MACROD2: variants seen among roughly 807,000 people sequenced by gnomAD.
The protein encoded by MACROD2 is ADP-ribose glycohydrolase MACROD2.
Under a neutral mutation model 70.4 loss-of-function variants are expected in MACROD2, and 36 were observed. That is an observed-to-expected ratio of 0.51 (90% CI 0.39 to 0.68). MACROD2 has a LOEUF of 0.68. Ranked by LOEUF, MACROD2 falls within the 30% of genes least tolerant of loss-of-function variation. The pLI is 0.00. For synonymous variants in MACROD2, 172 were observed against 178.8 expected, an observed-to-expected ratio of 0.96 and a Z score of 0.30; for missense variants, 496 against 538.4, an observed-to-expected ratio of 0.92 and a Z score of 0.78.
At chr20:14,825,042 A>T (rs2072886331) in intron 5 of MACROD2, among the ~76,000 whole-genome samples, 1 of 152,070 alleles carries the variant, frequency 6.6e-6, no homozygotes, top group Admixed American at 6.6e-5. Context: ...AAAACTCCTA[A>T]GTCTTTGCAC....
chr20:15,116,374 G>C (rs1038346543), intron 5 of MACROD2, among the ~76,000 whole-genome samples: 11 of 152,154 alleles, frequency 7.2e-5, no homozygotes, highest in African/African-American at 2.7e-4. Context: ...CAGTCACGGT[G>C]GCCCACGCCT....
intron 3 of MACROD2, among the ~76,000 whole-genome samples, chr20:14,092,965 A>G (rs567314697): frequency 6.6e-4 from 100 of 152,344 alleles, no homozygotes; most frequent in Non-Finnish European, 1.3e-3. Flanking sequence ...TGCTCAAGCT[A>G]GAGCAGCTGC....
intron 10 of MACROD2, among the ~76,000 whole-genome samples, chr20:15,889,669 G>C (rs1022638278): frequency 1.3e-5 from 2 of 152,090 alleles, no homozygotes; most frequent in Non-Finnish European, 2.9e-5. Flanking sequence ...TTCCTTAATG[G>C]CAAATGTTTT....
chr20:14,029,540 T>C (rs1436345329), intron 2 of MACROD2, among the ~76,000 whole-genome samples: 1 of 152,122 alleles, frequency 6.6e-6, no homozygotes, highest in East Asian at 1.9e-4. Flanking sequence ...AAAGCAACAA[T>C]TTGGAGCATC....
At chr20:14,999,655 A>G (rs962884408) in intron 5 of MACROD2, among the ~76,000 whole-genome samples, 4 of 152,186 alleles carry the variant, frequency 2.6e-5, no homozygotes, top group African/African-American at 9.7e-5. Flanking sequence ...AGAGGAAAAG[A>G]TATACATAGA....
In MACROD2 at chr20:15,136,286, G is replaced by A. The variant is rs965022380; in HGVS notation, c.419-93654G>A. 8.7e-3 allele frequency among the ~76,000 whole-genome samples: 1,266 copies of A among 145,210 alleles called. 33 individuals are homozygous for A. The highest frequency in any genetic ancestry group is 0.031 in the African/African-American group (1,209 of 38,776). ...CTAAGCCAAAAGAACAAAGCTGGAG[G>A]CATCATGCTACCTGACTTCAAACTA... On this transcript the variant is annotated intron_variant, in intron 5 of 17. Transcript: ENST00000684519.
At position 15,205,066 on chromosome 20, in the gene MACROD2, T is replaced by C. The variant is rs188913009; in HGVS notation, c.419-24874T>C. Among the ~76,000 whole-genome samples the C allele has an allele frequency of 3.4e-4, 52 of 152,314 alleles. No homozygotes were observed. The East Asian group carries it at 7.5e-3, about 22-fold the overall frequency. On this transcript the variant is annotated intron_variant, in intron 5 of 17. Coordinates refer to ENST00000684519, the MANE Select transcript of MACROD2 (RefSeq NM_001351661.2). ...TAGACACAAATGGGGACTTACACCC[T>C]GTGTCAAACACTGTACTTTAATCGT...
intron 3 of MACROD2, among the ~76,000 whole-genome samples, chr20:14,190,262 T>A (rs2081374082): frequency 1.3e-5 from 2 of 152,192 alleles, no homozygotes; most frequent in African/African-American, 4.8e-5. Context: ...ACAGTTCTTT[T>A]ATTTACCAAT....
At chr20:14,737,953 G>T (rs1261150836) in intron 5 of MACROD2, among the ~76,000 whole-genome samples, 2 of 152,146 alleles carry the variant, frequency 1.3e-5, no homozygotes, top group African/African-American at 4.8e-5. Flanking sequence ...AGCAATACAT[G>T]CTAGGAGTTA....
chr20:15,198,274 G>C (rs2076624405), intron 5 of MACROD2, among the ~76,000 whole-genome samples: 5 of 152,068 alleles, frequency 3.3e-5, no homozygotes, highest in Non-Finnish European at 7.4e-5. Flanking sequence ...GCCTCCTTAA[G>C]TGCTGGGATT....
At chr20:14,092,085 A>T (rs996884166) in intron 3 of MACROD2, among the ~76,000 whole-genome samples, 2 of 152,168 alleles carry the variant, frequency 1.3e-5, no homozygotes, top group African/African-American at 2.4e-5. Context: ...GTTTTTCTAC[A>T]TCCTTGCCAG....
intron 5 of MACROD2, among the ~76,000 whole-genome samples, chr20:15,197,549 G>T (rs1292060616): frequency 6.6e-6 from 1 of 152,120 alleles, no homozygotes; most frequent in Non-Finnish European, 1.5e-5. Context: ...TTGAATCTCT[G>T]GCCTACAGCC....
At position 15,203,116 on chromosome 20, in the gene MACROD2, A is replaced by G. The variant is rs1218886268; in HGVS notation, c.419-26824A>G. ...GTAGAAATCACACATTTGGTTTTTC[A>G]AATTGTCATAAAGTTTTAAAATATC... On this transcript the variant is annotated intron_variant, in intron 5 of 17. Coordinates refer to ENST00000684519, the MANE Select transcript of MACROD2 (RefSeq NM_001351661.2). Among the ~76,000 whole-genome samples the G allele has an allele frequency of 5.9e-5, 9 of 152,326 alleles. No homozygotes were observed. The East Asian group carries it at 1.7e-3, about 29-fold the overall frequency.
At chr20:14,066,571 G>T (rs75441542) in intron 2 of MACROD2, among the ~76,000 whole-genome samples, 1 of 152,126 alleles carries the variant, frequency 6.6e-6, no homozygotes, top group South Asian at 2.1e-4. Flanking sequence ...CCCACAGTAA[G>T]AAACATATGA....
At chr20:14,232,783 A>C (rs1047178335) in intron 3 of MACROD2, among the ~76,000 whole-genome samples, 1 of 152,234 alleles carries the variant, frequency 6.6e-6, no homozygotes, top group Admixed American at 6.5e-5. Flanking sequence ...TGGCACTTTC[A>C]GTTTCCTTCA....
chr20:15,710,685 AT>A (rs1001416012), intron 8 of MACROD2, among the ~76,000 whole-genome samples: 2 of 152,142 alleles, frequency 1.3e-5, no homozygotes, highest in South Asian at 2.1e-4. Context: ...CACACAAAAC[AT>A]TTTTTTTGAA....
At chr20:15,309,507 G>T (rs1283507261) in intron 6 of MACROD2, among the ~76,000 whole-genome samples, 1 of 152,200 alleles carries the variant, frequency 6.6e-6, no homozygotes, top group Admixed American at 6.5e-5. Context: ...AGCATCTACA[G>T]ATCTGGCAAT....
intron 4 of MACROD2, among the ~76,000 whole-genome samples, chr20:14,616,154 T>A (rs1983464439): frequency 2.6e-5 from 4 of 152,158 alleles, no homozygotes; most frequent in South Asian, 4.1e-4. Flanking sequence ...CTTGGCAATG[T>A]CAGAACATTC....
intron 8 of MACROD2, among the ~76,000 whole-genome samples, chr20:15,670,911 A>G (rs1418817710): frequency 1.3e-5 from 2 of 152,236 alleles, no homozygotes; most frequent in Non-Finnish European, 2.9e-5. Context: ...TATTAGTTTT[A>G]TCACTTCTCT....
Sources: allele counts gnomAD v4.1 joint callset (sites outside exome capture counted in the v4.1 genomes callset), GRCh38; gene constraint gnomAD v4.1.1; transcripts MANE v1.5; gene names NCBI Gene and HGNC (gene_info 2026-07-23, HGNC 2026-07-21).